Variants in DYNC1I1 observed in about 807,000 individuals in gnomAD.
The protein encoded by DYNC1I1 is cytoplasmic dynein 1 intermediate chain 1.
In DYNC1I1, 43 loss-of-function variants were observed where a neutral mutation model predicts 86.6. The observed-to-expected ratio is 0.50, with a 90% confidence interval of 0.39 to 0.64. The LOEUF (loss-of-function observed/expected upper bound fraction) is 0.64. Ranked by LOEUF, DYNC1I1 falls within the 30% of genes least tolerant of loss-of-function variation. The pLI, the probability that DYNC1I1 is intolerant of heterozygous loss-of-function variation, is 0.00. For missense variants in DYNC1I1, 604 were observed against 788.8 expected, an observed-to-expected ratio of 0.77 and a Z score of 2.81; for synonymous variants, 262 against 283.7, an observed-to-expected ratio of 0.92 and a Z score of 0.77.
intron 1 of DYNC1I1, among the ~76,000 whole-genome samples, chr7:95,801,267 T>C (rs1794571413): frequency 6.6e-6 from 1 of 152,242 alleles, no homozygotes; most frequent in Admixed American, 6.5e-5. Context: ...TTTTTATTGT[T>C]TATTTTTAAA....
intron 6 of DYNC1I1, among the ~76,000 whole-genome samples, chr7:95,926,412 A>G (rs1791746473): frequency 6.6e-6 from 1 of 152,206 alleles, no homozygotes; most frequent in South Asian, 2.1e-4. Context: ...CATTACAAAA[A>G]TGTATGTGAA....
chr7:96,042,577 T>C (rs1789081478), intron 14 of DYNC1I1, among the ~76,000 whole-genome samples: 1 of 152,146 alleles, frequency 6.6e-6, no homozygotes, highest in Non-Finnish European at 1.5e-5. Context: ...CACTACAAAG[T>C]TTTTGTCAAA....
At chr7:95,883,849 G>T (rs914618223) in intron 6 of DYNC1I1, among the ~76,000 whole-genome samples, 1 of 151,872 alleles carries the variant, frequency 6.6e-6, no homozygotes, top group African/African-American at 2.4e-5. Context: ...CTCCCCTAAG[G>T]AATAAGAATT....
At chr7:95,897,413 C>T (rs563527928) in intron 6 of DYNC1I1, among the ~76,000 whole-genome samples, 1 of 152,100 alleles carries the variant, frequency 6.6e-6, no homozygotes, top group African/African-American at 2.4e-5. Flanking sequence ...CAGTGTAGCC[C>T]ATCCTGTGTT....
At chr7:96,107,957 A>C (rs1367892963) in intron 16 of DYNC1I1, among the ~76,000 whole-genome samples, 2 of 142,736 alleles carry the variant, frequency 1.4e-5, no homozygotes, top group African/African-American at 5.2e-5. Context: ...ACCAACTATT[A>C]ATCTTATTGA....
downstream of DYNC1I1, among the ~76,000 whole-genome samples, chr7:96,101,345 T>G (rs1791133305): frequency 6.6e-6 from 1 of 152,140 alleles, no homozygotes; most frequent in African/African-American, 2.4e-5. Flanking sequence ...ATACCTCTGC[T>G]CACTGTCCAG....
chr7:95,921,435 T>TA (rs1369976869), intron 6 of DYNC1I1, among the ~76,000 whole-genome samples: 10 of 152,198 alleles, frequency 6.6e-5, no homozygotes, highest in Admixed American at 2.6e-4. Context: ...AATCCATTAT[T>TA]ACCTTTGTAT....
chr7:95,810,077 CAG>C (rs1453701920), intron 2 of DYNC1I1, among the ~76,000 whole-genome samples: 1 of 151,966 alleles, frequency 6.6e-6, no homozygotes, highest in Non-Finnish European at 1.5e-5. Context: ...AAAAAAGAGA[CAG>C]AATTTTTTTT....
rs779603054 is a variant in DYNC1I1 at position 96,076,200 on chromosome 7, G to A, written c.1650+3G>A. 2.8e-5 allele frequency: 45 copies of A among 1,613,854 alleles called. No homozygotes were observed. The highest frequency in any genetic ancestry group is 3.7e-5 in the Non-Finnish European group (44 of 1,179,816). On this transcript the variant is annotated splice_donor_region_variant and intron_variant, in intron 15 of 16. Coordinates refer to ENST00000447467, the MANE Select transcript of DYNC1I1 (RefSeq NM_001135556.2). ...GGAACCTCAACAATGACACCGAGGT[G>A]AGCGGCGGCTCAGGCGCCCGGGCCG...
chr7:96,081,386 C>A (rs1054653602), intron 16 of DYNC1I1, among the ~76,000 whole-genome samples: 2 of 150,586 alleles, frequency 1.3e-5, no homozygotes, highest in African/African-American at 2.4e-5. Flanking sequence ...AATTTGCATA[C>A]GATCTTAATT....
At chr7:95,923,303 C>G (rs17167245) in intron 6 of DYNC1I1, among the ~76,000 whole-genome samples, 2,765 of 152,106 alleles carry the variant, frequency 0.018, 78 homozygotes, top group African/African-American at 0.056. Flanking sequence ...AATGTGAAAA[C>G]CCAATGACCA....
chr7:96,102,792 T>C (rs1197380996), downstream of DYNC1I1, among the ~76,000 whole-genome samples: 1 of 152,162 alleles, frequency 6.6e-6, no homozygotes, highest in African/African-American at 2.4e-5. Flanking sequence ...ATTATAGTAG[T>C]GGCCCATGGG....
intron 4 of DYNC1I1, among the ~76,000 whole-genome samples, chr7:95,827,616 A>G (rs111929036): frequency 0.028 from 4,300 of 152,234 alleles, 90 homozygotes; most frequent in Middle Eastern, 0.086. Flanking sequence ...CAGGCCCTGC[A>G]GTCATACCCC....
rs112140025 is a variant in DYNC1I1, at chr7:96,014,647, G to T, written c.970-13528G>T. Among the ~76,000 whole-genome samples, 1,090 of 152,188 alleles carry T rather than the reference G, an allele frequency of 7.2e-3. 12 individuals are homozygous for T. The highest frequency in any genetic ancestry group is 0.025 in the African/African-American group (1,030 of 41,512). On this transcript the variant is annotated intron_variant, in intron 10 of 16. Transcript: ENST00000447467. ...TAACTTTCTGTGTGGGGAACTATAA[G>T]AAATATTTTCAAGTTTTGGAATGTT...
chr7:95,775,005 T>TGATA (rs745445286), intron 1 of DYNC1I1, among the ~76,000 whole-genome samples: 40 of 152,388 alleles, frequency 2.6e-4, no homozygotes, highest in Non-Finnish European at 5.0e-4. Flanking sequence ...AAACAAAGAT[T>TGATA]GATAACAGTA....
chr7:95,903,783 G>A (rs12671683), intron 6 of DYNC1I1, among the ~76,000 whole-genome samples: 2,190 of 152,234 alleles, frequency 0.014, 35 homozygotes, highest in East Asian at 0.028. Context: ...CAGAGGTTGT[G>A]GAGCTGTGTG....
intron 5 of DYNC1I1, among the ~76,000 whole-genome samples, chr7:95,840,579 T>C (rs1303728560): frequency 6.6e-6 from 1 of 152,238 alleles, no homozygotes; most frequent in African/African-American, 2.4e-5. Flanking sequence ...TGAAGATTTA[T>C]CTTGTTCTTT....
chr7:95,888,652 G>T (rs966816198), intron 6 of DYNC1I1, among the ~76,000 whole-genome samples: 1 of 152,008 alleles, frequency 6.6e-6, no homozygotes, highest in African/African-American at 2.4e-5. Context: ...ATTGCCAAAG[G>T]CCTGGTTGTC....
At chr7:95,955,671 C>T (rs1030485851) in intron 6 of DYNC1I1, among the ~76,000 whole-genome samples, 2 of 152,040 alleles carry the variant, frequency 1.3e-5, no homozygotes, top group African/African-American at 2.4e-5. Flanking sequence ...TGTTCACTTT[C>T]GGAAACACAT....
Sources: gnomAD v4.1 joint callset for allele counts (sites outside exome capture counted in the v4.1 genomes callset) on GRCh38, gnomAD v4.1.1 for gene constraint, MANE v1.5 for transcripts, NCBI Gene and HGNC (gene_info 2026-07-23, HGNC 2026-07-21) for gene names.